Variants in FBXO38 observed in about 807,000 individuals in gnomAD.
FBXO38 encodes the protein F-box protein 38.
FBXO38 carries 53 observed loss-of-function variants against 131.9 expected under a neutral mutation model. That is an observed-to-expected ratio of 0.40 (90% confidence interval 0.32 to 0.51). The LOEUF (loss-of-function observed/expected upper bound fraction) is 0.51, where lower values mean the gene tolerates loss of function less well. Ranked by LOEUF, FBXO38 falls within the 20% of genes least tolerant of loss-of-function variation. The probability of loss-of-function intolerance (pLI) is 0.53; values close to 1 mark genes in which losing one functional copy is unlikely to be tolerated. For missense variants in FBXO38, 1,076 were observed against 1,475.6 expected, an observed-to-expected ratio of 0.73 and a Z score of 4.44; for synonymous variants, 452 against 505.6, an observed-to-expected ratio of 0.89 and a Z score of 1.42.
rs780085431 is a variant in FBXO38, at chr5:148,402,501, T to C, written c.580T>C (p.Leu194=). ...TCCTATAGGAGCCAAAATTCAAACT[T>C]TACATTTAGTTGGTGAGTACATGTT... ...KIPIGAKIQT[L]HLVGVNVPEI... The change falls in exon 5 of 22, where the codon TTA becomes CTA. Residue 194 remains leucine (L), a synonymous_variant. Coordinates refer to ENST00000340253, the MANE Select transcript of FBXO38 (RefSeq NM_205836.3). 6.2e-7 allele frequency: 1 copy of C among 1,608,124 alleles called. No individual in the cohort carries two copies. Among genetic ancestry groups the C allele is most frequent in the Non-Finnish European group, 8.5e-7 (1 of 1,176,570 alleles).
At chr5:148,400,384 A>C (rs1438813631) in intron 3 of FBXO38, among the ~76,000 whole-genome samples, 1 of 152,136 alleles carries the variant, frequency 6.6e-6, no homozygotes, top group African/African-American at 2.4e-5. Context: ...CAGTATATAA[A>C]GACAGGATGG....
intron 10 of FBXO38, among the ~76,000 whole-genome samples, 170 bp from the exon 11 acceptor site, chr5:148,415,758 A>G (rs1219575816): frequency 6.6e-6 from 1 of 152,210 alleles, no homozygotes; most frequent in Non-Finnish European, 1.5e-5. Context: ...CAATGGAATT[A>G]GGTATGTAAA....
chr5:148,417,383 A>C (rs1003061310), intron 12 of FBXO38, among the ~76,000 whole-genome samples, 179 bp downstream of exon 12: 1 of 152,164 alleles, frequency 6.6e-6, no homozygotes, highest in African/African-American at 2.4e-5. Context: ...TGCTTGTTTC[A>C]AAACTGCTTT....
chr5:148,428,653 A>G (rs567263825), intron 15 of FBXO38, among the ~76,000 whole-genome samples: 6 of 152,298 alleles, frequency 3.9e-5, no homozygotes, highest in South Asian at 2.1e-4. Flanking sequence ...TGACAGTGAT[A>G]ATAATGTATT....
intron 17 of FBXO38, among the ~76,000 whole-genome samples, chr5:148,435,911 G>A (rs1364810503): frequency 6.6e-6 from 1 of 152,188 alleles, no homozygotes; most frequent in Non-Finnish European, 1.5e-5. Flanking sequence ...GAAAGGGAGA[G>A]AGACAGGGGA....
At chr5:148,441,399 G>T (rs1754676907) in intron 21 of FBXO38, 162 bp downstream of exon 21, 2 of 586,602 alleles carry the variant, frequency 3.4e-6, no homozygotes, top group Non-Finnish European at 5.9e-6. Flanking sequence ...TATTTGTGCA[G>T]TAGATGTTCA....
chr5:148,433,266 C>A, intron 15 of FBXO38, 158 bp from the exon 16 acceptor site: 1 of 583,250 alleles, frequency 1.7e-6, no homozygotes, highest in South Asian at 2.1e-5. Context: ...TGTTTTGAAA[C>A]AATCCACTGG....
At chr5:148,398,565 C>T (rs929955792) in intron 2 of FBXO38, among the ~76,000 whole-genome samples, 5 of 151,928 alleles carry the variant, frequency 3.3e-5, no homozygotes, top group Non-Finnish European at 7.4e-5. Context: ...CAGAATGTCC[C>T]TGCAGGAGTA....
In FBXO38 at chr5:148,401,537, T is replaced by C. The variant is rs76585199; in HGVS notation, c.263-445T>C. 5.3e-3 allele frequency among the ~76,000 whole-genome samples: 803 copies of C among 152,260 alleles called. 10 individuals carry two copies. The highest frequency in any genetic ancestry group is 0.018 in the African/African-American group (765 of 41,546). On this transcript the variant is annotated intron_variant, in intron 3 of 21. Coordinates refer to ENST00000340253, the MANE Select transcript of FBXO38 (RefSeq NM_205836.3). ...GTCAGAACTGTGAGCTTCCTAACGATGAGGATCATATCTTATTTATATTTT... is the reference window on the plus strand; with the variant it reads ...GTCAGAACTGTGAGCTTCCTAACGACGAGGATCATATCTTATTTATATTTT...
chr5:148,440,101 ATATTC>A (rs1319920820), intron 19 of FBXO38, among the ~76,000 whole-genome samples: 1 of 152,212 alleles, frequency 6.6e-6, no homozygotes, highest in Non-Finnish European at 1.5e-5. Flanking sequence ...TAAGACTATG[ATATTC>A]TATATCATCA....
chr5:148,424,557 G>A (rs947056227), intron 13 of FBXO38, among the ~76,000 whole-genome samples: 2 of 152,170 alleles, frequency 1.3e-5, no homozygotes, highest in African/African-American at 2.4e-5. Context: ...ACAGGATATA[G>A]AGTCTTAGGC....
At chr5:148,404,304 T>C (rs1752319594) in intron 5 of FBXO38, among the ~76,000 whole-genome samples, 1 of 152,200 alleles carries the variant, frequency 6.6e-6, no homozygotes, top group African/African-American at 2.4e-5. Context: ...AATAGTAAAT[T>C]TGTGTGTTCC....
chr5:148,390,988 A>G (rs895330849), intron 1 of FBXO38, among the ~76,000 whole-genome samples: 4 of 152,228 alleles, frequency 2.6e-5, no homozygotes, highest in African/African-American at 9.6e-5. Flanking sequence ...AAAGCTGAAC[A>G]TGTGCTAAAG....
At chr5:148,433,923 A>G (rs1375073301) in intron 17 of FBXO38, 186 bp downstream of exon 17, 1 of 400,988 alleles carries the variant, frequency 2.5e-6, no homozygotes, top group Non-Finnish European at 4.4e-6. Flanking sequence ...AGCATCATAT[A>G]TAGAAACTTC....
At chr5:148,414,442 T>A in intron 10 of FBXO38, 136 bp downstream of exon 10, 1 of 825,134 alleles carries the variant, frequency 1.2e-6, no homozygotes, top group Non-Finnish European at 1.8e-6. Flanking sequence ...ATACAAGTTC[T>A]GGTAACCTTT....
chr5:148,437,372 C>A (rs1056654853), intron 17 of FBXO38, among the ~76,000 whole-genome samples: 4 of 152,230 alleles, frequency 2.6e-5, no homozygotes, highest in African/African-American at 9.6e-5. Flanking sequence ...CTGTCCTCAA[C>A]AACAGTTCCC....
chr5:148,406,239 ATTT>A lies in FBXO38; in HGVS notation c.731-7_731-5del. On this transcript the variant is annotated splice_polypyrimidine_tract_variant and intron_variant, in intron 6 of 21. Transcript: ENST00000340253. ...GGCACTTTACATTGTTCTATCAAAGATTTTTTTTTTTTTCCAGGACCCACAAAT... is the reference window on the plus strand; with the variant it reads ...GGCACTTTACATTGTTCTATCAAAGATTTTTTTTTTCCAGGACCCACAAAT... 22 of 1,214,250 alleles carry A rather than the reference ATTT, an allele frequency of 1.8e-5. No homozygotes were observed. Among genetic ancestry groups the A allele is most frequent in the Admixed American group, 5.1e-5 (2 of 39,520 alleles). The allele number at this position is 1,214,250 out of a possible 1,614,324, so 75.2% of individuals were successfully genotyped here.
chr5:148,429,098 A>C lies in FBXO38; in HGVS notation c.2653+1151A>C, dbSNP rs371649686. Among the ~76,000 whole-genome samples, 25 of 152,280 alleles carry C rather than the reference A, an allele frequency of 1.6e-4. No individual in the cohort carries two copies. In the East Asian group the frequency reaches 4.1e-3, roughly 25 times the overall value. On this transcript the variant is annotated intron_variant, in intron 15 of 21. Transcript: ENST00000340253. ...TGAACTTTTTCATCATCCTGAACTGAAACTCTGTGTCCATTAAACAGTATC... is the reference window on the plus strand; with the variant it reads ...TGAACTTTTTCATCATCCTGAACTGCAACTCTGTGTCCATTAAACAGTATC...
At chr5:148,400,670 T>TGATCTCTTTGGATTCTCACTC (rs1177629893) in intron 3 of FBXO38, among the ~76,000 whole-genome samples, 1 of 152,166 alleles carries the variant, frequency 6.6e-6, no homozygotes, top group Non-Finnish European at 1.5e-5. Context: ...TTTACGTATA[T>TGATCTCTTTGGATTCTCACTC]GATCTCTTTG....
Sources: gnomAD v4.1 joint callset for allele counts (sites outside exome capture counted in the v4.1 genomes callset) on GRCh38, gnomAD v4.1.1 for gene constraint, MANE v1.5 for transcripts, NCBI Gene and HGNC (gene_info 2026-07-23, HGNC 2026-07-21) for gene names.